PTPRT: variants seen among roughly 807,000 people sequenced by gnomAD.
PTPRT encodes protein tyrosine phosphatase receptor type T.
A neutral mutation model predicts 176.8 loss-of-function variants in PTPRT; 56 were observed. The observed-to-expected ratio is 0.32, with a 90% CI of 0.26 to 0.40. The LOEUF is 0.40. PTPRT is among the 10% of genes least tolerant of loss of function. The probability of loss-of-function intolerance (pLI) is 1.00; values close to 1 mark genes in which losing one functional copy is unlikely to be tolerated. For synonymous variants in PTPRT, 783 were observed against 739.0 expected (o/e 1.06, Z -0.96); for missense variants, 1,540 against 1,908.2 (o/e 0.81, Z 3.60).
intron 7 of PTPRT, among the ~76,000 whole-genome samples, chr20:42,489,067 T>G (rs922194329): frequency 6.6e-6 from 1 of 150,936 alleles, no homozygotes; most frequent in Non-Finnish European, 1.5e-5. Flanking sequence ...TGTTCTTTGC[T>G]GATTCTCAAG....
chr20:42,166,762 T>G (rs979765428), intron 16 of PTPRT, among the ~76,000 whole-genome samples: 2 of 151,908 alleles, frequency 1.3e-5, no homozygotes, highest in Non-Finnish European at 2.9e-5. Flanking sequence ...CTACTAAAAG[T>G]ACAAAAAAAT....
intron 1 of PTPRT, among the ~76,000 whole-genome samples, chr20:43,009,657 C>T (rs984920789): frequency 4.6e-5 from 7 of 152,150 alleles, no homozygotes; most frequent in South Asian, 4.1e-4. Flanking sequence ...CATCCCGTGA[C>T]GCGTAGGCAG....
At chr20:42,595,779 A>G (rs1390230848) in intron 7 of PTPRT, among the ~76,000 whole-genome samples, 1 of 152,158 alleles carries the variant, frequency 6.6e-6, no homozygotes, top group Non-Finnish European at 1.5e-5. Context: ...GACATTGAAC[A>G]TGTCACTGGA....
intron 2 of PTPRT, among the ~76,000 whole-genome samples, chr20:42,883,448 G>A (rs2079036518): frequency 6.6e-6 from 1 of 151,968 alleles, no homozygotes; most frequent in Non-Finnish European, 1.5e-5. Flanking sequence ...GTACCAGTAG[G>A]GTGAAGTGAG....
chr20:42,327,490 G>A (rs899808702), intron 11 of PTPRT, among the ~76,000 whole-genome samples: 1 of 152,148 alleles, frequency 6.6e-6, no homozygotes, highest in Non-Finnish European at 1.5e-5. Context: ...TTGTTTTGTG[G>A]CTATGTAACA....
chr20:42,110,224 C>CTTTCT (rs760325941), intron 23 of PTPRT, 109 bp downstream of exon 23: 1 of 1,045,048 alleles, frequency 9.6e-7, no homozygotes. Context: ...GTTTTTGTAT[C>CTTTCT]TTTCTTTAGT....
chr20:42,985,898 G>T (rs989290233), intron 1 of PTPRT, among the ~76,000 whole-genome samples: 4 of 152,140 alleles, frequency 2.6e-5, no homozygotes, highest in African/African-American at 7.2e-5. Flanking sequence ...CCAGCAGTGT[G>T]GCCAGCAAGG....
intron 8 of PTPRT, among the ~76,000 whole-genome samples, chr20:42,471,804 C>T (rs560642628): frequency 5.0e-4 from 76 of 152,104 alleles, no homozygotes; most frequent in Admixed American, 3.7e-3. Context: ...TACAGGCACA[C>T]GCTGCCACGC....
chr20:42,890,227 T>C (rs922558937), intron 1 of PTPRT, among the ~76,000 whole-genome samples: 8 of 152,204 alleles, frequency 5.3e-5, no homozygotes, highest in Non-Finnish European at 1.0e-4. Context: ...CCACTCCCTA[T>C]TGGTCTGACT....
intron 7 of PTPRT, among the ~76,000 whole-genome samples, chr20:42,599,248 CT>C (rs2073732418): frequency 1.3e-5 from 2 of 152,216 alleles, no homozygotes; most frequent in East Asian, 3.9e-4. Flanking sequence ...GGAGCAAAAG[CT>C]TTTGAGAGAG....
At chr20:42,085,905 T>G in intron 27 of PTPRT, 52 bp from the exon 28 acceptor site, 4 of 1,513,944 alleles carry the variant, frequency 2.6e-6, no homozygotes, top group Non-Finnish European at 2.7e-6. Flanking sequence ...GGGGCGGGTA[T>G]CAAAGTCTCA....
At chr20:42,165,409 C>G (rs369081800) in intron 16 of PTPRT, among the ~76,000 whole-genome samples, 15 of 152,214 alleles carry the variant, frequency 9.9e-5, no homozygotes, top group Admixed American at 9.2e-4. Flanking sequence ...ATAAGGTGTG[C>G]GTGAATAAGC....
intron 7 of PTPRT, among the ~76,000 whole-genome samples, chr20:42,487,849 G>A (rs967826628): frequency 1.3e-5 from 2 of 152,142 alleles, no homozygotes; most frequent in Non-Finnish European, 2.9e-5. Flanking sequence ...AGATTGCTCT[G>A]CTTATTTCTG....
At chr20:42,775,010 C>G (rs2077114713) in intron 4 of PTPRT, among the ~76,000 whole-genome samples, 1 of 152,212 alleles carries the variant, frequency 6.6e-6, no homozygotes, top group Admixed American at 6.5e-5. Context: ...TGGGAGAGAA[C>G]TTATATTCCA....
At chr20:42,244,540 G>C (rs975168189) in intron 14 of PTPRT, among the ~76,000 whole-genome samples, 1 of 152,124 alleles carries the variant, frequency 6.6e-6, no homozygotes, top group Non-Finnish European at 1.5e-5. Context: ...AAATGTGATG[G>C]ACGGGTTAGT....
At chr20:42,083,963 C>T (rs1983615964) in intron 29 of PTPRT, among the ~76,000 whole-genome samples, 1 of 152,180 alleles carries the variant, frequency 6.6e-6, no homozygotes, top group Admixed American at 6.5e-5. Flanking sequence ...ATTACATTTA[C>T]GTTTGCATAT....
intron 13 of PTPRT, among the ~76,000 whole-genome samples, chr20:42,250,000 C>G (rs1311525424): frequency 2.0e-5 from 3 of 152,166 alleles, no homozygotes; most frequent in Admixed American, 6.5e-5. Context: ...TTCTTTTCTT[C>G]CACATCTACA....
chr20:43,083,690 G>A (rs759007300), intron 1 of PTPRT, among the ~76,000 whole-genome samples: 10 of 151,782 alleles, frequency 6.6e-5, no homozygotes, highest in Non-Finnish European at 1.0e-4. Flanking sequence ...TATTATTTAC[G>A]GAGTTGTACA....
At chr20:42,954,444 C>G (rs1368418751) in intron 1 of PTPRT, among the ~76,000 whole-genome samples, 1 of 152,168 alleles carries the variant, frequency 6.6e-6, no homozygotes, top group Non-Finnish European at 1.5e-5. Flanking sequence ...CCTCTTATCA[C>G]TTTCTGTCTC....
Sources: allele counts gnomAD v4.1 joint callset (sites outside exome capture counted in the v4.1 genomes callset), GRCh38; gene constraint gnomAD v4.1.1; transcripts MANE v1.5; gene names NCBI Gene and HGNC (gene_info 2026-07-23, HGNC 2026-07-21).